Variants in PDGFC observed in about 807,000 individuals in gnomAD.
PDGFC encodes platelet-derived growth factor C.
PDGFC carries 12 observed loss-of-function variants against 35.5 expected under a neutral mutation model. The ratio of observed to expected loss-of-function variants is 0.34; its 90% confidence interval spans 0.22 to 0.55. The LOEUF (loss-of-function observed/expected upper bound fraction) is 0.55, where lower values mean the gene tolerates loss of function less well. Among genes scored for constraint, PDGFC ranks in the 20% least tolerant of loss-of-function variants. The pLI is 0.91. For synonymous variants in PDGFC, 159 were observed against 148.8 expected (o/e 1.07, Z -0.50); for missense variants, 322 against 412.4 (o/e 0.78, Z 1.90).
At chr4:156,907,811 C>T (rs1579092089) in intron 1 of PDGFC, among the ~76,000 whole-genome samples, 1 of 152,086 alleles carries the variant, frequency 6.6e-6, no homozygotes, top group African/African-American at 2.4e-5. Context: ...GAAGCAGATG[C>T]CCCCACACTC....
intron 2 of PDGFC, among the ~76,000 whole-genome samples, chr4:156,820,312 C>T (rs1732213871): frequency 6.6e-6 from 1 of 152,156 alleles, no homozygotes; most frequent in Admixed American, 6.5e-5. Flanking sequence ...CTTAATGCTA[C>T]AGAGAAATAT....
intron 2 of PDGFC, among the ~76,000 whole-genome samples, chr4:156,815,323 TACACACACACACACACACAC>T (rs3042796): frequency 6.2e-5 from 9 of 144,996 alleles, no homozygotes; most frequent in Non-Finnish European, 7.6e-5. Context: ...AATAATTTTT[TACACACACACACACACACAC>T]ACACACACAC....
intron 1 of PDGFC, among the ~76,000 whole-genome samples, chr4:156,893,190 G>A (rs1367083730): frequency 6.6e-6 from 1 of 152,112 alleles, no homozygotes; most frequent in Non-Finnish European, 1.5e-5. Context: ...GAAGGTTAAG[G>A]TATGAAGAAA....
At chr4:156,920,758 G>A (rs1459247696) in intron 1 of PDGFC, among the ~76,000 whole-genome samples, 2 of 151,792 alleles carry the variant, frequency 1.3e-5, no homozygotes, top group South Asian at 2.1e-4. Context: ...CTCTGGCCAA[G>A]CCTAAATAAA....
chr4:156,889,934 TG>T (rs1730463421), intron 1 of PDGFC, among the ~76,000 whole-genome samples: 1 of 152,128 alleles, frequency 6.6e-6, no homozygotes, highest in African/African-American at 2.4e-5. Context: ...GTTGGTTTAT[TG>T]GGGGGAAAGC....
rs528313377 is a variant in PDGFC at position 156,897,314 on chromosome 4, CAGAG to C, written c.119-46902_119-46899del. ...ATACACACACACACACACAGGCAGA[CAGAG>C]AGAGAGAATATGAGAGAGTGTGTGA... On this transcript the variant is annotated intron_variant, in intron 1 of 5. Transcript: ENST00000502773. Among the ~76,000 whole-genome samples, 640 of 148,886 alleles carry C rather than the reference CAGAG, an allele frequency of 4.3e-3. 9 individuals are homozygous for C. Among genetic ancestry groups the C allele is most frequent in the African/African-American group, 0.015 (599 of 40,478 alleles).
chr4:156,916,946 G>A (rs1292127477), intron 1 of PDGFC, among the ~76,000 whole-genome samples: 1 of 152,142 alleles, frequency 6.6e-6, no homozygotes, highest in Non-Finnish European at 1.5e-5. Flanking sequence ...TAAATTACTT[G>A]GCTGATGTAA....
intron 3 of PDGFC, among the ~76,000 whole-genome samples, chr4:156,807,406 T>C (rs1019059916): frequency 9.9e-5 from 15 of 151,960 alleles, no homozygotes; most frequent in Admixed American, 8.5e-4. Flanking sequence ...GAAAATGATA[T>C]GGAAATCCCA....
chr4:156,928,591 C>A (rs544804658), intron 1 of PDGFC, among the ~76,000 whole-genome samples: 5 of 152,256 alleles, frequency 3.3e-5, no homozygotes, highest in Non-Finnish European at 5.9e-5. Flanking sequence ...ATGGAGGAGA[C>A]TGGAAGATGC....
chr4:156,854,154 C>T (rs1729519939), intron 1 of PDGFC, among the ~76,000 whole-genome samples: 1 of 152,092 alleles, frequency 6.6e-6, no homozygotes, highest in South Asian at 2.1e-4. Flanking sequence ...ATTTTGGCAA[C>T]TAGTATTCTC....
rs192425621 is a variant in PDGFC at position 156,904,375 on chromosome 4, G to A, written c.119-53959C>T. On this transcript the variant is annotated intron_variant, in intron 1 of 5. Coordinates refer to ENST00000502773, the MANE Select transcript of PDGFC (RefSeq NM_016205.3). ...GTGCTTCTAACACTGTTAAAACAGG[G>A]CTAATTATACCTAAATACACTCTAA... is the stretch of plus-strand genomic sequence containing the variant. Among the ~76,000 whole-genome samples the A allele has an allele frequency of 1.0e-3, 153 of 152,124 alleles. No homozygotes were observed. The South Asian group carries it at 0.016, about 16-fold the overall frequency.
intron 2 of PDGFC, among the ~76,000 whole-genome samples, chr4:156,828,059 C>T (rs72683341): frequency 0.13 from 20,299 of 152,152 alleles, 1,389 homozygotes; most frequent in South Asian, 0.21. Flanking sequence ...CTACTTCCGC[C>T]GGAAATGTTA....
chr4:156,833,432 T>G (rs748522757), intron 2 of PDGFC, among the ~76,000 whole-genome samples: 2 of 152,198 alleles, frequency 1.3e-5, no homozygotes, highest in Non-Finnish European at 2.9e-5. Flanking sequence ...GCACCAATCT[T>G]AAAATATTTG....
At chr4:156,844,741 T>C (rs1729285023) in intron 2 of PDGFC, among the ~76,000 whole-genome samples, 1 of 152,114 alleles carries the variant, frequency 6.6e-6, no homozygotes, top group Non-Finnish European at 1.5e-5. Context: ...CAATAAAGAA[T>C]ATTACATTTC....
intron 1 of PDGFC, among the ~76,000 whole-genome samples, chr4:156,906,751 C>A (rs961797699): frequency 1.3e-5 from 2 of 152,150 alleles, no homozygotes; most frequent in African/African-American, 4.8e-5. Flanking sequence ...TCTGGCTACT[C>A]TAGTCATTGT....
intron 1 of PDGFC, among the ~76,000 whole-genome samples, chr4:156,882,077 T>A (rs990866885): frequency 6.6e-6 from 1 of 152,158 alleles, no homozygotes; most frequent in African/African-American, 2.4e-5. Context: ...ACTGTCTGCA[T>A]GCAAACACGC....
At chr4:156,823,559 T>TA (rs201911886) in intron 2 of PDGFC, among the ~76,000 whole-genome samples, 1 of 152,190 alleles carries the variant, frequency 6.6e-6, no homozygotes, top group South Asian at 2.1e-4. Flanking sequence ...ATCACTACTT[T>TA]AAAAAAAATA....
intron 2 of PDGFC, among the ~76,000 whole-genome samples, chr4:156,847,492 C>A (rs180847986): frequency 6.6e-6 from 1 of 151,884 alleles, no homozygotes; most frequent in East Asian, 1.9e-4. Context: ...GTCAGAGATT[C>A]TAGGTGACTA....
At chr4:156,782,860 T>C (rs1731019581) in intron 3 of PDGFC, among the ~76,000 whole-genome samples, 1 of 152,140 alleles carries the variant, frequency 6.6e-6, no homozygotes, top group Non-Finnish European at 1.5e-5. Context: ...CAGTAGACTA[T>C]ATTATACTCC....
Sources: allele counts gnomAD v4.1 joint callset (sites outside exome capture counted in the v4.1 genomes callset), GRCh38; gene constraint gnomAD v4.1.1; transcripts MANE v1.5; gene names NCBI Gene and HGNC (gene_info 2026-07-23, HGNC 2026-07-21).